The following C14orf180 variants were observed in gnomAD, a reference collection of about 807,000 sequenced individuals.
C14orf180 encodes chromosome 14 open reading frame 180.
Under a neutral mutation model 13.9 loss-of-function variants are expected in C14orf180, and 13 were observed. The ratio of observed to expected loss-of-function variants is 0.94; its 90% CI spans 0.61 to 1.49. C14orf180 has a LOEUF of 1.49. Ranked by LOEUF, C14orf180 falls within the 40% of genes most tolerant of loss-of-function variation. The probability of loss-of-function intolerance (pLI) is 0.00; values close to 1 mark genes in which losing one functional copy is unlikely to be tolerated. For synonymous variants in C14orf180, 113 were observed against 106.3 expected (o/e 1.06, Z -0.39); for missense variants, 238 against 232.0 (o/e 1.03, Z -0.17).
At chr14:104,587,215 T>C (rs1174571143) in intron 2 of C14orf180, among the ~76,000 whole-genome samples, 1 of 152,104 alleles carries the variant, frequency 6.6e-6, no homozygotes, top group Non-Finnish European at 1.5e-5. Context: ...CCCATACACG[T>C]GAGCAGACCA....
intron 1 of C14orf180, among the ~76,000 whole-genome samples, chr14:104,580,326 G>A (rs114761926): frequency 0.017 from 2,566 of 152,298 alleles, 67 homozygotes; most frequent in African/African-American, 0.058. Flanking sequence ...GTCCCAGGCC[G>A]GCCCTGTGTC....
chr14:104,586,508 C>A lies in C14orf180; in HGVS notation c.78C>A (p.Ala26=), dbSNP rs775181631. The change falls in exon 2 of 5, where the codon GCC becomes GCA. Residue 26 remains alanine (A), a synonymous_variant. Coordinates refer to ENST00000557649, the MANE Select transcript of C14orf180 (RefSeq NM_001008404.3). ...GTCAGACCAGAAAGAATGAGGAGGC[C>A]GCGTGGGGCCCGCGGGTGTGCAGGG... ...TRRQTRKNEE[A]AWGPRVCRAE... The A allele has an allele frequency of 1.0e-5, 16 of 1,547,286 alleles. No homozygotes were observed. The highest frequency in any genetic ancestry group is 2.1e-4 in the Middle Eastern group (1 of 4,814).
intron 1 of C14orf180, among the ~76,000 whole-genome samples, chr14:104,584,579 G>A (rs1440912562): frequency 6.6e-6 from 1 of 152,110 alleles, no homozygotes; most frequent in Non-Finnish European, 1.5e-5. Context: ...CCTAACCCTG[G>A]GGATCACGCA....
intron 2 of C14orf180, among the ~76,000 whole-genome samples, chr14:104,587,512 C>T (rs930050963): frequency 2.0e-5 from 3 of 152,136 alleles, no homozygotes; most frequent in African/African-American, 4.8e-5. Flanking sequence ...CGTGAAGAGA[C>T]GGGGTCAGGA....
At position 104,589,707 on chromosome 14, in the gene C14orf180, A is replaced by T. The variant is rs2140472118; in HGVS notation, c.*924A>T. ...CACCAGGCAGAACTGCCCAGGAGAG[A>T]CACAGGGACAATCAGACCAGCGTCC... On this transcript the variant is annotated 3_prime_UTR_variant, in exon 5 of 5. Coordinates refer to ENST00000557649, the MANE Select transcript of C14orf180 (RefSeq NM_001008404.3). This position sits in a 1 kb window ranked among gnomAD's most constrained non-coding sequence, Gnocchi z 4.9. 6.6e-6 allele frequency: 1 copy of T among 152,632 alleles called. No individual in the cohort carries two copies. Among genetic ancestry groups the T allele is most frequent in the Admixed American group, 6.5e-5 (1 of 15,300 alleles). The allele number at this position is 152,632 out of a possible 1,614,324, so 9.5% of individuals were successfully genotyped here. A position where few individuals can be genotyped will look rare whatever the true frequency, so the allele number is the denominator to read the frequency against.
chr14:104,584,272 C>T (rs1289984431), intron 1 of C14orf180, among the ~76,000 whole-genome samples: 1 of 152,206 alleles, frequency 6.6e-6, no homozygotes, highest in Non-Finnish European at 1.5e-5. Context: ...GCCCTGGGCA[C>T]GCCAGCCAGC....
At chr14:104,587,922 A>C (rs759906999) in intron 3 of C14orf180, 44 bp downstream of exon 3, 2 of 1,571,748 alleles carry the variant, frequency 1.3e-6, no homozygotes, top group Non-Finnish European at 1.7e-6. Flanking sequence ...GGGTGGAGTC[A>C]AGCAGAGGGA....
chr14:104,580,510 C>A (rs1347623226), intron 1 of C14orf180, among the ~76,000 whole-genome samples: 1 of 152,204 alleles, frequency 6.6e-6, no homozygotes, highest in African/African-American at 2.4e-5. Flanking sequence ...GCAGCCGTGC[C>A]AGGCATGAAC....
Position 104,588,592 on chromosome 14 carries a change from A to G in C14orf180, c.292A>G (p.Arg98Gly). 1 of 1,460,404 alleles carries G rather than the reference A, an allele frequency of 6.8e-7. No individual in the cohort carries two copies. Among genetic ancestry groups the G allele is most frequent in the Non-Finnish European group, 9.0e-7 (1 of 1,109,840 alleles). 90.5% of individuals were successfully genotyped at this position (1,460,404 alleles called of 1,614,324 possible). Residue 98 changes from arginine to glycine, a missense_variant, in exon 5 of 5, where the codon AGG (arginine) becomes GGG (glycine). By Grantham distance (125) the Arg-to-Gly change is moderately radical. Transcript: ENST00000557649. ...TCTGGCCGCAGTGCCCGGCCGGCCC[A>G]GGCCACACGGCGGCTCCCTGCTCCT... ...TATVRVPGRP[R>G]PHGGSLLLQL...
chr14:104,588,726 T>C lies in C14orf180; in HGVS notation c.426T>C (p.Leu142=). Residue 142 remains leucine (L), a synonymous_variant, in exon 5 of 5, where the codon CTT becomes CTC. Coordinates refer to ENST00000557649, the MANE Select transcript of C14orf180 (RefSeq NM_001008404.3). ...ACCTGCGGGCCCGGCTCCTCGGCCT[T>C]GTCCTGCACCTGCGGCACGTGGCCC... ...LEDLRARLLG[L]VLHLRHVALT... is the part of the protein sequence containing the mutation. The C allele has an allele frequency of 6.5e-7, 1 of 1,535,788 alleles. No individual in the cohort carries two copies. The highest frequency in any genetic ancestry group is 8.7e-7 in the Non-Finnish European group (1 of 1,146,386).
At chr14:104,580,222 C>T (rs899433104) in intron 1 of C14orf180, among the ~76,000 whole-genome samples, 1 of 152,164 alleles carries the variant, frequency 6.6e-6, no homozygotes, top group African/African-American at 2.4e-5. Flanking sequence ...CTGGGCAGAG[C>T]ACACACTGAT....
intron 1 of C14orf180, among the ~76,000 whole-genome samples, chr14:104,585,433 C>T (rs992904658): frequency 4.6e-5 from 7 of 152,196 alleles, no homozygotes; most frequent in Non-Finnish European, 8.8e-5. Context: ...GGGAGGAGTG[C>T]CCAAAAGTCA....
At chr14:104,587,016 C>T (rs1022991918) in intron 2 of C14orf180, among the ~76,000 whole-genome samples, 2 of 152,200 alleles carry the variant, frequency 1.3e-5, no homozygotes, top group African/African-American at 4.8e-5. Context: ...CTCACGCCCT[C>T]GCGGGGCAGC....
In C14orf180 at chr14:104,589,342, T is replaced by G; in HGVS notation, c.*559T>G. The G allele has an allele frequency of 3.9e-5, 6 of 154,570 alleles. No individual in the cohort carries two copies. Among genetic ancestry groups the G allele is most frequent in the Non-Finnish European group, 7.2e-5 (5 of 69,918 alleles). 9.6% of individuals were successfully genotyped at this position (154,570 alleles called of 1,614,324 possible). A position where few individuals can be genotyped will look rare whatever the true frequency, so the allele number is the denominator to read the frequency against. On this transcript the variant is annotated 3_prime_UTR_variant, in exon 5 of 5. Coordinates refer to ENST00000557649, the MANE Select transcript of C14orf180 (RefSeq NM_001008404.3). The surrounding 1 kb of genome is among the most constrained non-coding windows in gnomAD (Gnocchi z 4.9). ...CCTCTGAGCCCAGGTCTGACCCCCC[T>G]ACCCAGCCCCGTGAGTCTGGAGAGG...
At chr14:104,588,092 A>G (rs1280805046) in intron 3 of C14orf180, among the ~76,000 whole-genome samples, 182 bp from the exon 4 acceptor site, 2 of 152,194 alleles carry the variant, frequency 1.3e-5, no homozygotes, top group Non-Finnish European at 2.9e-5. Context: ...GGAGGAGAAC[A>G]TGAGGGCGGA....
At chr14:104,583,635 C>T (rs113021390) in intron 1 of C14orf180, among the ~76,000 whole-genome samples, 1,618 of 152,300 alleles carry the variant, frequency 0.011, 33 homozygotes, top group African/African-American at 0.034. Context: ...TCCTGACTGT[C>T]CACATTCCGG....
At chr14:104,588,402 G>C (rs1208239047) in intron 4 of C14orf180, 93 bp downstream of exon 4, 24 of 1,568,026 alleles carry the variant, frequency 1.5e-5, no homozygotes, top group Admixed American at 8.4e-5. Flanking sequence ...CACAGGGCCA[G>C]GGCCTCTAAG....
chr14:104,582,278 C>A (rs947687585), intron 1 of C14orf180, among the ~76,000 whole-genome samples: 4 of 152,262 alleles, frequency 2.6e-5, no homozygotes, highest in Non-Finnish European at 5.9e-5. Context: ...TTGGCGTTAT[C>A]CAAGCCACAG....
intron 1 of C14orf180, among the ~76,000 whole-genome samples, chr14:104,584,568 C>T (rs1886551560): frequency 6.6e-6 from 1 of 152,168 alleles, no homozygotes; most frequent in East Asian, 1.9e-4. Context: ...TCTGTGGCTT[C>T]CCTAACCCTG....
Sources: allele counts gnomAD v4.1 joint callset (sites outside exome capture counted in the v4.1 genomes callset), GRCh38; gene constraint gnomAD v4.1.1; non-coding constraint Gnocchi (gnomAD v3.1); transcripts MANE v1.5; gene names NCBI Gene and HGNC (gene_info 2026-07-23, HGNC 2026-07-21).